The following HAO1 variants were observed in gnomAD, a reference collection of about 807,000 sequenced individuals.
HAO1 encodes 2-Hydroxyacid oxidase 1.
A neutral mutation model predicts 39.7 loss-of-function variants in HAO1; 34 were observed. That is an observed-to-expected ratio of 0.86 (90% confidence interval 0.65 to 1.14). The LOEUF (loss-of-function observed/expected upper bound fraction) is 1.14, where lower values mean the gene tolerates loss of function less well. HAO1 is among the 50% of genes most tolerant of loss of function. The pLI is 0.00. For missense variants in HAO1, 479 were observed against 464.5 expected, an observed-to-expected ratio of 1.03 and a Z score of -0.29; for synonymous variants, 172 against 173.2, an observed-to-expected ratio of 0.99 and a Z score of 0.05.
intron 4 of HAO1, among the ~76,000 whole-genome samples, chr20:7,902,648 G>A (rs1431198948): frequency 6.6e-6 from 1 of 152,112 alleles, no homozygotes; most frequent in African/African-American, 2.4e-5. Flanking sequence ...GAGCTGACTA[G>A]AGAAAAGTTT....
intron 5 of HAO1, among the ~76,000 whole-genome samples, chr20:7,889,038 C>A (rs1378474429): frequency 6.6e-6 from 1 of 152,136 alleles, no homozygotes; most frequent in South Asian, 2.1e-4. Flanking sequence ...AAACACTGAG[C>A]AGATCTCAGC....
intron 1 of HAO1, among the ~76,000 whole-genome samples, chr20:7,936,218 T>C (rs938314905): frequency 6.6e-6 from 1 of 152,116 alleles, no homozygotes; most frequent in African/African-American, 2.4e-5. Flanking sequence ...ACATTATAAT[T>C]GTCATTATTT....
At chr20:7,932,754 A>AT (rs1180131651) in intron 2 of HAO1, among the ~76,000 whole-genome samples, 34 of 152,066 alleles carry the variant, frequency 2.2e-4, no homozygotes, top group African/African-American at 7.0e-4. Flanking sequence ...ATGTTTGGGT[A>AT]TTTTTTTCAA....
intron 6 of HAO1, 34 bp from the exon 7 acceptor site, chr20:7,885,624 A>C (rs1482132224): frequency 6.5e-7 from 1 of 1,550,362 alleles, no homozygotes; most frequent in South Asian, 1.1e-5. Flanking sequence ...GTGATTCAGA[A>C]CTAAATCAGT....
intron 5 of HAO1, among the ~76,000 whole-genome samples, chr20:7,892,778 AAT>A (rs1240346526): frequency 2.0e-5 from 3 of 151,948 alleles, no homozygotes; most frequent in African/African-American, 7.3e-5. Context: ...ATAGATAGTA[AAT>A]ATATATATAT....
chr20:7,908,164 C>A (rs576380090), intron 3 of HAO1, among the ~76,000 whole-genome samples: 1 of 151,930 alleles, frequency 6.6e-6, no homozygotes, highest in Non-Finnish European at 1.5e-5. Flanking sequence ...CCGAGGTGGG[C>A]AGATCACCTG....
intron 3 of HAO1, among the ~76,000 whole-genome samples, chr20:7,907,714 C>T (rs960126864): frequency 6.6e-6 from 1 of 152,128 alleles, no homozygotes; most frequent in Admixed American, 6.5e-5. Context: ...TTCCCCTGTG[C>T]CTGAGGTCTT....
At chr20:7,892,642 CTA>C (rs1324160760) in intron 5 of HAO1, among the ~76,000 whole-genome samples, 11 of 152,042 alleles carry the variant, frequency 7.2e-5, no homozygotes, top group Non-Finnish European at 8.8e-5. Context: ...TTCCAACCAT[CTA>C]TATAATAACT....
chr20:7,884,049 T>C (rs1276199765), intron 7 of HAO1, among the ~76,000 whole-genome samples: 1 of 152,138 alleles, frequency 6.6e-6, no homozygotes, highest in African/African-American at 2.4e-5. Context: ...GGGAGTTTTA[T>C]CTATGGGAAC....
At chr20:7,913,158 C>A (rs189114697) in intron 3 of HAO1, among the ~76,000 whole-genome samples, 6 of 145,260 alleles carry the variant, frequency 4.1e-5, no homozygotes, top group East Asian at 2.2e-4. Flanking sequence ...ATTTTGCTAG[C>A]CCTAGTTTTT....
rs11438122 is a variant in HAO1 at position 7,913,170 on chromosome 20, GTT to G, written c.545+992_545+993del. Among the ~76,000 whole-genome samples the G allele has an allele frequency of 5.2e-5, 7 of 134,302 alleles. 2 individuals carry two copies. The highest frequency in any genetic ancestry group is 1.9e-4 in the African/African-American group (7 of 37,242). 88.1% of individuals were successfully genotyped at this position (134,302 alleles called of 152,430 possible). A position where few individuals can be genotyped will look rare whatever the true frequency, so the allele number is the denominator to read the frequency against. On this transcript the variant is annotated intron_variant, in intron 3 of 7. Coordinates refer to ENST00000378789, the MANE Select transcript of HAO1 (RefSeq NM_017545.3). ...TCAATTTTGCTAGCCCTAGTTTTTTGTTTTTTTTTTTTTTTCCAAATACAATT... is the reference window on the plus strand; with the variant it reads ...TCAATTTTGCTAGCCCTAGTTTTTTGTTTTTTTTTTTTTCCAAATACAATT...
intron 3 of HAO1, among the ~76,000 whole-genome samples, chr20:7,912,996 T>C (rs1281795534): frequency 6.6e-6 from 1 of 152,190 alleles, no homozygotes; most frequent in East Asian, 1.9e-4. Flanking sequence ...TGCAGCAACT[T>C]TCGTGGTGAG....
intron 1 of HAO1, among the ~76,000 whole-genome samples, chr20:7,940,041 A>G (rs1335134231): frequency 6.6e-6 from 1 of 152,218 alleles, no homozygotes; most frequent in Non-Finnish European, 1.5e-5. Flanking sequence ...AATTGTTGTC[A>G]TATTTCCAAG....
intron 3 of HAO1, among the ~76,000 whole-genome samples, chr20:7,909,561 C>G (rs1283140446): frequency 6.6e-6 from 1 of 150,692 alleles, no homozygotes; most frequent in Non-Finnish European, 1.5e-5. Flanking sequence ...TTGTAAGGTA[C>G]TCATTATCTC....
rs2122743396 is a variant in HAO1, at chr20:7,883,680, T to C, written c.1043-17A>G. ...TCTGGCACCCTGAAAAAATAATGCA[T>C]ACATTTAATATGAACTGAATGCAAT... On this transcript the variant is annotated splice_polypyrimidine_tract_variant and intron_variant, in intron 7 of 7. Transcript: ENST00000378789. 1 of 1,532,138 alleles carries C rather than the reference T, an allele frequency of 6.5e-7. No homozygotes were observed. The highest frequency in any genetic ancestry group is 1.1e-5 in the South Asian group (1 of 89,404). The allele number at this position is 1,532,138 out of a possible 1,614,324, so 94.9% of individuals were successfully genotyped here.
chr20:7,903,510 G>A (rs1341219887), intron 4 of HAO1, among the ~76,000 whole-genome samples: 1 of 151,932 alleles, frequency 6.6e-6, no homozygotes, highest in African/African-American at 2.4e-5. Context: ...GGTGGAGGTG[G>A]TAGTGGTGAT....
chr20:7,883,581 T>C lies in HAO1; in HGVS notation c.*12A>G. The C allele has an allele frequency of 6.3e-7, 1 of 1,598,294 alleles. No homozygotes were observed. The highest frequency in any genetic ancestry group is 8.6e-7 in the Non-Finnish European group (1 of 1,165,636). On this transcript the variant is annotated 3_prime_UTR_variant, in exon 8 of 8. Transcript: ENST00000378789. The stretch of plus-strand genomic sequence containing the variant: ...AAAAAAAATAATACAGATGGGAAAA[T>C]ATTGTGCACTGTCAGATCTTGGAAA...
At chr20:7,891,971 G>A (rs938022996) in intron 5 of HAO1, among the ~76,000 whole-genome samples, 4 of 152,126 alleles carry the variant, frequency 2.6e-5, no homozygotes, top group South Asian at 2.1e-4. Flanking sequence ...CACTTTCCAC[G>A]TCTGTTTACC....
chr20:7,883,326 T>C lies in HAO1; in HGVS notation c.*267A>G. ...CACTTTAGCCTGCCAGGGGATGACG[T>C]TGTCTAAACACATTTTCAATGTTTT... On this transcript the variant is annotated 3_prime_UTR_variant, in exon 8 of 8. Transcript: ENST00000378789. The C allele has an allele frequency of 2.1e-6, 1 of 469,210 alleles. No homozygotes were observed. Among genetic ancestry groups the C allele is most frequent in the Non-Finnish European group, 3.9e-6 (1 of 259,136 alleles). 29.1% of individuals were successfully genotyped at this position (469,210 alleles called of 1,614,324 possible). A position where few individuals can be genotyped will look rare whatever the true frequency, so the allele number is the denominator to read the frequency against.
Sources: allele counts gnomAD v4.1 joint callset (sites outside exome capture counted in the v4.1 genomes callset), GRCh38; gene constraint gnomAD v4.1.1; transcripts MANE v1.5; gene names NCBI Gene and HGNC (gene_info 2026-07-23, HGNC 2026-07-21).